TMCC3: variants seen among roughly 807,000 people sequenced by gnomAD.
TMCC3 encodes the protein transmembrane and coiled-coil domain family 3, also known as transmembrane and coiled-coil domain protein 3.
A neutral mutation model predicts 40.2 loss-of-function variants in TMCC3; 28 were observed. The ratio of observed to expected loss-of-function variants is 0.70; its 90% CI spans 0.52 to 0.95. TMCC3 has a LOEUF of 0.95. Ranked by LOEUF, TMCC3 falls within the 40% of genes least tolerant of loss-of-function variation. TMCC3 has a pLI of 0.00. For synonymous variants in TMCC3, 255 were observed against 248.5 expected (o/e 1.03, Z -0.25); for missense variants, 554 against 615.2 (o/e 0.90, Z 1.05).
rs367958339 is a variant in TMCC3, at chr12:94,576,331, C to T, written c.1131+2063G>A. Among the ~76,000 whole-genome samples, 294 of 152,314 alleles carry T rather than the reference C, an allele frequency of 1.9e-3. 1 individual carries two copies. Among genetic ancestry groups the T allele is most frequent in the African/African-American group, 6.7e-3 (279 of 41,560 alleles). On this transcript the variant is annotated intron_variant, in intron 3 of 3. Transcript: ENST00000261226. ...CGTGGCCAGTTGAAACTCCAGGTCA[C>T]ACATTGCAGGATAAAGCACTATCTT...
In TMCC3 at chr12:94,650,532, G is replaced by A; in HGVS notation, c.-102C>T. ...CCTGGGAGCCGCGGGCGAGGGGGCG[G>A]CGCGGCTGCTGCAGCTGTTGCCTCT... On this transcript the variant is annotated 5_prime_UTR_variant, in exon 1 of 4. Coordinates refer to ENST00000261226, the MANE Select transcript of TMCC3 (RefSeq NM_020698.4). The A allele has an allele frequency of 1.0e-6, 1 of 966,572 alleles. No individual in the cohort carries two copies. Among genetic ancestry groups the A allele is most frequent in the Non-Finnish European group, 1.3e-6 (1 of 757,590 alleles). The allele number at this position is 966,572 out of a possible 1,614,324, so 59.9% of individuals were successfully genotyped here. A position where few individuals can be genotyped will look rare whatever the true frequency, so the allele number is the denominator to read the frequency against.
At chr12:94,607,793 G>A (rs749394882) in intron 1 of TMCC3, among the ~76,000 whole-genome samples, 2 of 152,180 alleles carry the variant, frequency 1.3e-5, no homozygotes, top group Non-Finnish European at 2.9e-5. Context: ...ATCTGACTCA[G>A]TCCACCTACC....
chr12:94,616,124 C>T (rs2068846807), intron 1 of TMCC3: 5 of 984,096 alleles, frequency 5.1e-6, no homozygotes, highest in Middle Eastern at 5.2e-4. Flanking sequence ...CCACGCCCTG[C>T]ACTGTACCCA....
Position 94,594,232 on chromosome 12 carries a change from C to CACAGAG in TMCC3, c.79-11695_79-11694insCTCTGT, listed in dbSNP as rs1446763750. On this transcript the variant is annotated intron_variant, in intron 1 of 3. Coordinates refer to ENST00000261226, the MANE Select transcript of TMCC3 (RefSeq NM_020698.4). ...ATATATATATACACACACACACACA[C>CACAGAG]AGAGTGAGAGAGAGAGAGGTCTCTC... Among the ~76,000 whole-genome samples the CACAGAG allele has an allele frequency of 1.2e-3, 170 of 147,806 alleles. 2 individuals carry two copies. Among genetic ancestry groups the CACAGAG allele is most frequent in the African/African-American group, 4.2e-3 (161 of 38,018 alleles).
chr12:94,604,045 A>G (rs1423104139), intron 1 of TMCC3, among the ~76,000 whole-genome samples: 1 of 152,210 alleles, frequency 6.6e-6, no homozygotes, highest in Non-Finnish European at 1.5e-5. Flanking sequence ...AATACTAAAG[A>G]GCCAATGAAA....
rs533018697 is a variant in TMCC3 at position 94,605,099 on chromosome 12, A to T, written c.79-22561T>A. On this transcript the variant is annotated intron_variant, in intron 1 of 3. Coordinates refer to ENST00000261226, the MANE Select transcript of TMCC3 (RefSeq NM_020698.4). ...AAAGAGGTGCATGGCAAGCATTCCT[A>T]AAGGGAGGCGGCACAAGGCTCAGAA... 7.2e-5 allele frequency among the ~76,000 whole-genome samples: 11 copies of T among 152,300 alleles called. No individual in the cohort carries two copies. In the East Asian group the frequency reaches 1.7e-3, roughly 24 times the overall value.
At chr12:94,573,299 A>G (rs994734328) in intron 3 of TMCC3, among the ~76,000 whole-genome samples, 5 of 152,078 alleles carry the variant, frequency 3.3e-5, no homozygotes, top group African/African-American at 1.2e-4. Flanking sequence ...CCCGGTCAGC[A>G]CCCCAATCTA....
In TMCC3 at chr12:94,567,296, G is replaced by T. The variant is rs2068500607; in HGVS notation, c.*4139C>A. 6.6e-6 allele frequency: 1 copy of T among 152,190 alleles called. No individual in the cohort carries two copies. The highest frequency in any genetic ancestry group is 2.1e-4 in the South Asian group (1 of 4,836). The allele number at this position is 152,190 out of a possible 1,614,324, so 9.4% of individuals were successfully genotyped here. A position where few individuals can be genotyped will look rare whatever the true frequency, so the allele number is the denominator to read the frequency against. ...AAACTAAGTAGTAACTCACAAAATG[G>T]AAATTCTGCAACAAGCCTCACAATA... On this transcript the variant is annotated 3_prime_UTR_variant, in exon 4 of 4. Coordinates refer to ENST00000261226, the MANE Select transcript of TMCC3 (RefSeq NM_020698.4).
chr12:94,630,095 G>A (rs963033318), intron 1 of TMCC3, among the ~76,000 whole-genome samples: 10 of 152,162 alleles, frequency 6.6e-5, no homozygotes, highest in African/African-American at 1.7e-4. Flanking sequence ...GCAAAACCCC[G>A]TCTGTACAAA....
rs748165531 is a variant in TMCC3, at chr12:94,571,373, T to C, written c.*62A>G. On this transcript the variant is annotated 3_prime_UTR_variant, in exon 4 of 4. Coordinates refer to ENST00000261226, the MANE Select transcript of TMCC3 (RefSeq NM_020698.4). ...AATCATTCACTGTAAAATTTGGTAG[T>C]ATGCACAGAGTTTTCTTTAAAATAA... The C allele has an allele frequency of 1.3e-6, 2 of 1,545,112 alleles. No individual in the cohort carries two copies. Among genetic ancestry groups the C allele is most frequent in the Admixed American group, 1.8e-5 (1 of 55,334 alleles).
In TMCC3 at chr12:94,650,321, GCACCCGCCGCCCCCCAGCCCGCTGCGCT is replaced by G; in HGVS notation, c.78+4_78+31del. The G allele has an allele frequency of 1.6e-6, 2 of 1,232,026 alleles. No individual in the cohort carries two copies. The highest frequency in any genetic ancestry group is 2.8e-5 in the South Asian group (1 of 35,336). 76.3% of individuals were successfully genotyped at this position (1,232,026 alleles called of 1,614,324 possible). A position where few individuals can be genotyped will look rare whatever the true frequency, so the allele number is the denominator to read the frequency against. On this transcript the variant is annotated splice_donor_5th_base_variant and intron_variant, in intron 1 of 3. Coordinates refer to ENST00000261226, the MANE Select transcript of TMCC3 (RefSeq NM_020698.4). ...GCCCGCCTCGCCCCCGGGCCCGCGCGCACCCGCCGCCCCCCAGCCCGCTGCGCTCACCCGGCTCTTGCAGCGGTGGTGC... is the reference window on the plus strand; with the variant it reads ...GCCCGCCTCGCCCCCGGGCCCGCGCGCACCCGGCTCTTGCAGCGGTGGTGC...
At chr12:94,635,496 T>G (rs1233167351) in intron 1 of TMCC3, among the ~76,000 whole-genome samples, 3 of 152,134 alleles carry the variant, frequency 2.0e-5, no homozygotes. Context: ...TTTATAACAT[T>G]AAGTCGAATT....
intron 3 of TMCC3, among the ~76,000 whole-genome samples, chr12:94,575,588 G>A (rs1379957096): frequency 1.3e-5 from 2 of 152,252 alleles, no homozygotes; most frequent in East Asian, 1.9e-4. Context: ...ACCAGAAAAC[G>A]TCGAAATGAA....
intron 1 of TMCC3, among the ~76,000 whole-genome samples, chr12:94,648,361 G>C (rs558046666): frequency 4.9e-4 from 74 of 152,028 alleles, no homozygotes; most frequent in Non-Finnish European, 8.2e-4. Context: ...CGAGTAGCTG[G>C]GATTACAGGC....
At chr12:94,612,318 T>C (rs2068821201) in intron 1 of TMCC3, among the ~76,000 whole-genome samples, 2 of 151,402 alleles carry the variant, frequency 1.3e-5, no homozygotes, top group South Asian at 4.2e-4. Flanking sequence ...GTTTATTTTA[T>C]TTATTTTTTT....
chr12:94,591,858 C>A (rs564148400), intron 1 of TMCC3, among the ~76,000 whole-genome samples: 1 of 152,308 alleles, frequency 6.6e-6, no homozygotes, highest in African/African-American at 2.4e-5. Flanking sequence ...AAATGTCTAG[C>A]CAGAGTCAGT....
chr12:94,591,791 T>C (rs1198263124), intron 1 of TMCC3, among the ~76,000 whole-genome samples: 1 of 152,056 alleles, frequency 6.6e-6, no homozygotes, highest in Non-Finnish European at 1.5e-5. Flanking sequence ...ATATGAGAGA[T>C]ACCCCTAGCC....
intron 1 of TMCC3, among the ~76,000 whole-genome samples, chr12:94,625,056 C>T (rs960493621): frequency 6.7e-5 from 10 of 150,154 alleles, no homozygotes; most frequent in Non-Finnish European, 1.0e-4. Flanking sequence ...GCAGGAGAAT[C>T]GCTTGAATCC....
rs375822100 is a variant in TMCC3 at position 94,643,166 on chromosome 12, T to C, written c.78+7187A>G. On this transcript the variant is annotated intron_variant, in intron 1 of 3. Transcript: ENST00000261226. ...GAGATTGCACCACTGCACTCCAGCC[T>C]GGTGAAAGAGCAAGACTCTGTCTAA... Among the ~76,000 whole-genome samples, 14 of 151,270 alleles carry C rather than the reference T, an allele frequency of 9.3e-5. No homozygotes were observed. In the East Asian group the frequency reaches 2.5e-3, roughly 27 times the overall value.
Sources: gnomAD v4.1 joint callset for allele counts (sites outside exome capture counted in the v4.1 genomes callset) on GRCh38, gnomAD v4.1.1 for gene constraint, MANE v1.5 for transcripts, NCBI Gene and HGNC (gene_info 2026-07-23, HGNC 2026-07-21) for gene names.